Variants in PHLDB1 observed in about 807,000 individuals in gnomAD.
PHLDB1 encodes the protein pleckstrin homology like domain family B member 1.
Under a neutral mutation model 139.3 loss-of-function variants are expected in PHLDB1, and 65 were observed. That is an observed-to-expected ratio of 0.47 (90% CI 0.38 to 0.57). The LOEUF (loss-of-function observed/expected upper bound fraction) is 0.57. Among genes scored for constraint, PHLDB1 ranks in the 20% least tolerant of loss-of-function variants. PHLDB1 has a pLI of 0.00. For synonymous variants in PHLDB1, 679 were observed against 734.5 expected, an observed-to-expected ratio of 0.92 and a Z score of 1.22; for missense variants, 1,624 against 1,839.7, an observed-to-expected ratio of 0.88 and a Z score of 2.14.
In PHLDB1 at chr11:118,627,459, T is replaced by TG; in HGVS notation, c.638dup (p.Lys214GlnfsTer14). 5 of 1,614,176 alleles carry TG rather than the reference T, an allele frequency of 3.1e-6. No homozygotes were observed. Among genetic ancestry groups the TG allele is most frequent in the Non-Finnish European group, 3.4e-6 (4 of 1,180,026 alleles). ...TGGTGCTAGAGGAGCCTGGAGCTGCTGGCAAGAAGCCTGCCGCAACCTCTC... is the reference window on the plus strand; with the variant it reads ...TGGTGCTAGAGGAGCCTGGAGCTGCTGGGCAAGAAGCCTGCCGCAACCTCTC... On this transcript the variant is annotated frameshift_variant, in exon 6 of 23. Transcript: ENST00000600882. LOFTEE classifies it high-confidence loss of function.
intron 10 of PHLDB1, chr11:118,636,474 A>C (rs1945668003): frequency 6.6e-6 from 1 of 152,150 alleles, no homozygotes; most frequent in Admixed American, 6.6e-5. Context: ...TGGATGTAAG[A>C]CTGACTGATG....
In PHLDB1 at chr11:118,641,849, C is replaced by T. The variant is rs183333051; in HGVS notation, c.2737-405C>T. ...TGGTGTGCTCTGTGTGTGTTTTGCT[C>T]CTGCTCACCTGGCCTCTTGGCTCTG... On this transcript the variant is annotated intron_variant, in intron 12 of 22. Coordinates refer to ENST00000600882, the MANE Select transcript of PHLDB1 (RefSeq NM_001144758.3). 115 of 1,199,560 alleles carry T rather than the reference C, an allele frequency of 9.6e-5. No homozygotes were observed. In the East Asian group the frequency reaches 5.0e-3, roughly 53 times the overall value. The allele number at this position is 1,199,560 out of a possible 1,614,324, so 74.3% of individuals were successfully genotyped here.
chr11:118,610,723 C>G lies in PHLDB1; in HGVS notation c.-22+3024C>G, dbSNP rs1187212577. 2.0e-5 allele frequency among the ~76,000 whole-genome samples: 3 copies of G among 152,200 alleles called. No homozygotes were observed. Among genetic ancestry groups the G allele is most frequent in the African/African-American group, 7.2e-5 (3 of 41,466 alleles). On this transcript the variant is annotated intron_variant, in intron 1 of 22. Coordinates refer to ENST00000600882, the MANE Select transcript of PHLDB1 (RefSeq NM_001144758.3). The surrounding 1 kb of genome is among the most constrained non-coding windows in gnomAD (Gnocchi z 8.7). ...CTCCTTCAGGCGGGGGCCAAGACCC[C>G]CGAGAGTTCACTCTGGGTGCTCCAC...
intron 12 of PHLDB1, chr11:118,640,345 A>G (rs568659115): frequency 6.6e-6 from 1 of 152,342 alleles, no homozygotes. Context: ...CCCCTTGGGT[A>G]GAGCAGGCTT....
intron 10 of PHLDB1, 148 bp from the exon 11 acceptor site, chr11:118,638,743 T>G: frequency 1.6e-6 from 1 of 621,838 alleles, no homozygotes. Context: ...GGCAGCCTGT[T>G]TTCTTAGGGT....
At chr11:118,629,344 G>C (rs978103434) in intron 6 of PHLDB1, among the ~76,000 whole-genome samples, 1 of 152,224 alleles carries the variant, frequency 6.6e-6, no homozygotes, top group African/African-American at 2.4e-5. Flanking sequence ...GCATGCAGGG[G>C]CTGGGTGTGG....
At position 118,634,855 on chromosome 11, in the gene PHLDB1, G is replaced by A. The variant is rs1383924651; in HGVS notation, c.2380-538G>A. ...CTCCCCTCCCGCCGCTGCCGGGCCG[G>A]AGTTGAGGAGTGTGTGTTCTGTTTC... On this transcript the variant is annotated intron_variant, in intron 9 of 22. Transcript: ENST00000600882. The A allele has an allele frequency of 5.8e-5, 18 of 309,406 alleles. 1 individual carries two copies. The highest frequency in any genetic ancestry group is 4.2e-4 in the South Asian group (18 of 43,266). 19.2% of individuals were successfully genotyped at this position (309,406 alleles called of 1,614,324 possible).
Position 118,641,930 on chromosome 11 carries a change from A to G in PHLDB1, c.2737-324A>G, listed in dbSNP as rs200699027. The G allele has an allele frequency of 5.2e-4, 292 of 562,376 alleles. 2 individuals are homozygous for G. The East Asian group carries it at 5.3e-3, about 10-fold the overall frequency. The allele number at this position is 562,376 out of a possible 1,614,324, so 34.8% of individuals were successfully genotyped here. On this transcript the variant is annotated intron_variant, in intron 12 of 22. Coordinates refer to ENST00000600882, the MANE Select transcript of PHLDB1 (RefSeq NM_001144758.3). ...CAGGCTCTGTCTGGTGGCTGGTTTC[A>G]TGGCTGGTGTAGCACATGTCTGTGG...
intron 18 of PHLDB1, among the ~76,000 whole-genome samples, chr11:118,649,245 C>T (rs544076546): frequency 2.0e-5 from 3 of 151,916 alleles, no homozygotes; most frequent in Admixed American, 6.6e-5. Flanking sequence ...CATGCCACTG[C>T]ACTCCAGTCT....
upstream of PHLDB1, among the ~76,000 whole-genome samples, chr11:118,607,378 GTGGTGGTGA>G (rs1555079872): frequency 3.3e-5 from 3 of 90,528 alleles, no homozygotes; most frequent in Non-Finnish European, 6.7e-5. Flanking sequence ...GGTGGTGGTG[GTGGTGGTGA>G]TGGTGGAGAG....
Position 118,616,152 on chromosome 11 carries a change from G to A in PHLDB1, c.296G>A (p.Cys99Tyr), listed in dbSNP as rs781933496. ...CGGGGCACCCTCACCCTCTACCCCT[G>A]TGGCAATGCCTGCACTATTGATGGG... ...NLRGTLTLYPCGNACTIDGLP... is the reference protein window; with the variant it reads ...NLRGTLTLYPYGNACTIDGLP... The change falls in exon 4 of 23, where the codon TGT (cysteine) becomes TAT (tyrosine). Residue 99 changes from cysteine to tyrosine, a missense_variant. Coordinates refer to ENST00000600882, the MANE Select transcript of PHLDB1 (RefSeq NM_001144758.3). 2.9e-5 allele frequency: 47 copies of A among 1,614,030 alleles called. No homozygotes were observed. The highest frequency in any genetic ancestry group is 3.0e-5 in the Non-Finnish European group (35 of 1,180,030).
At chr11:118,648,221 T>C (rs1277112860) in intron 18 of PHLDB1, 145 bp downstream of exon 18, 4 of 831,330 alleles carry the variant, frequency 4.8e-6, no homozygotes, top group South Asian at 1.7e-5. Flanking sequence ...AGCAGAATTC[T>C]ACCTGGGACT....
intron 1 of PHLDB1, among the ~76,000 whole-genome samples, chr11:118,612,586 C>T (rs909960889): frequency 6.6e-6 from 1 of 152,180 alleles, no homozygotes; most frequent in Non-Finnish European, 1.5e-5. Flanking sequence ...GCCTGGGTTC[C>T]GGCCTCTCTT....
chr11:118,653,792 G>C (rs1365466787), intron 20 of PHLDB1: 1 of 152,238 alleles, frequency 6.6e-6, no homozygotes, highest in Non-Finnish European at 1.5e-5. Flanking sequence ...GGAGGATTCA[G>C]ATTCAGCATA....
intron 20 of PHLDB1, chr11:118,654,678 G>T (rs1948776340): frequency 6.8e-6 from 1 of 146,132 alleles, no homozygotes; most frequent in African/African-American, 2.5e-5. Context: ...ACTTATTTCT[G>T]AGTCTGTATC....
chr11:118,610,512 C>A lies in PHLDB1; in HGVS notation c.-22+2813C>A. On this transcript the variant is annotated intron_variant, in intron 1 of 22. Transcript: ENST00000600882. This position sits in a 1 kb window ranked among gnomAD's most constrained non-coding sequence, Gnocchi z 8.7. Reference sequence around the variant, plus strand: ...CCGCTTGGGCCGAGGCCGAGGCCGACCCCCAGGGACACAGGTGAGGCCGGG... The same window carrying A: ...CCGCTTGGGCCGAGGCCGAGGCCGAACCCCAGGGACACAGGTGAGGCCGGG... 2 of 979,144 alleles carry A rather than the reference C, an allele frequency of 2.0e-6. No individual in the cohort carries two copies. The highest frequency in any genetic ancestry group is 2.4e-6 in the Non-Finnish European group (2 of 824,228). The allele number at this position is 979,144 out of a possible 1,614,324, so 60.7% of individuals were successfully genotyped here. A position where few individuals can be genotyped will look rare whatever the true frequency, so the allele number is the denominator to read the frequency against.
intron 18 of PHLDB1, 103 bp downstream of exon 18, chr11:118,648,179 A>G (rs1947819430): frequency 1.7e-6 from 2 of 1,182,248 alleles, no homozygotes; most frequent in African/African-American, 1.5e-5. Flanking sequence ...AACCTGTTCT[A>G]CTCCAGAAAA....
intron 20 of PHLDB1, chr11:118,651,815 G>A (rs1555137406): frequency 2.6e-5 from 4 of 151,970 alleles, no homozygotes. Context: ...AATCTCAGTG[G>A]CTTACAAGTA....
rs781921199 is a variant in PHLDB1, at chr11:118,647,997, G to A, written c.3575G>A (p.Arg1192Gln). ...EERRRREQVE[R>Q]RLQSESARRQ... ...CGGCGGAGGCGTGAGCAGGTAGAACGGAGGCTGCAGAGTGAGAGTGCCCGG... is the reference window on the plus strand; with the variant it reads ...CGGCGGAGGCGTGAGCAGGTAGAACAGAGGCTGCAGAGTGAGAGTGCCCGG... Residue 1192 changes from arginine to glutamine, a missense_variant, in exon 18 of 23, where the codon CGG becomes CAG. Arg to Gln is a conservative substitution (Grantham distance 43). Transcript: ENST00000600882. 9 of 1,609,142 alleles carry A rather than the reference G, an allele frequency of 5.6e-6. No individual in the cohort carries two copies. Among genetic ancestry groups the A allele is most frequent in the Admixed American group, 3.4e-5 (2 of 59,360 alleles).
Sources: gnomAD v4.1 joint callset for allele counts (sites outside exome capture counted in the v4.1 genomes callset) on GRCh38, gnomAD v4.1.1 for gene constraint, Gnocchi (gnomAD v3.1) non-coding constraint, MANE v1.5 for transcripts, NCBI Gene and HGNC (gene_info 2026-07-23, HGNC 2026-07-21) for gene names.